SCML4: variants seen among roughly 807,000 people sequenced by gnomAD.
SCML4 encodes the protein Scm polycomb group protein like 4, also known as sex comb on midleg-like protein 4.
SCML4 carries 34 observed loss-of-function variants against 41.1 expected under a neutral mutation model. The observed-to-expected ratio is 0.83, with a 90% CI of 0.63 to 1.10. The LOEUF is 1.10. Among genes scored for constraint, SCML4 ranks in the 50% least tolerant of loss-of-function variants. SCML4 has a pLI of 0.00. For synonymous variants in SCML4, 214 were observed against 220.9 expected, an observed-to-expected ratio of 0.97 and a Z score of 0.28; for missense variants, 522 against 534.1, an observed-to-expected ratio of 0.98 and a Z score of 0.22.
rs1394929557 is a variant in SCML4 at position 107,705,447 on chromosome 6, T to A, written c.1120-122A>T. On this transcript the variant is annotated intron_variant, in intron 7 of 7. Transcript: ENST00000369020. ...GGCATATGGATTGATTTAGGCAGCA[T>A]ATTCTCTTGGTCCTGGGGCAAGGTC... is the stretch of plus-strand genomic sequence containing the variant. The A allele has an allele frequency of 1.3e-5, 11 of 848,834 alleles. No homozygotes were observed. The East Asian group carries it at 2.9e-4, about 23-fold the overall frequency. The allele number at this position is 848,834 out of a possible 1,614,324, so 52.6% of individuals were successfully genotyped here. A position where few individuals can be genotyped will look rare whatever the true frequency, so the allele number is the denominator to read the frequency against.
chr6:107,723,339 C>G (rs1272393951), intron 5 of SCML4, among the ~76,000 whole-genome samples: 1 of 152,154 alleles, frequency 6.6e-6, no homozygotes, highest in Non-Finnish European at 1.5e-5. Flanking sequence ...ACAAAATCAT[C>G]TAACACAAAG....
intron 5 of SCML4, among the ~76,000 whole-genome samples, chr6:107,725,982 C>A (rs780827275): frequency 1.0e-4 from 15 of 149,370 alleles, no homozygotes; most frequent in Non-Finnish European, 1.5e-5. Context: ...GAGGCTGAGG[C>A]ATGAGAATTG....
intron 1 of SCML4, among the ~76,000 whole-genome samples, chr6:107,800,909 G>T (rs6941259): frequency 6.6e-6 from 1 of 152,142 alleles, no homozygotes; most frequent in Admixed American, 6.5e-5. Flanking sequence ...TATTTGATTT[G>T]GGAGCAAGTG....
chr6:107,807,451 C>A (rs1783825343), intron 1 of SCML4, among the ~76,000 whole-genome samples: 1 of 152,180 alleles, frequency 6.6e-6, no homozygotes, highest in South Asian at 2.1e-4. Context: ...CTTTGAGGGG[C>A]CAGGTCTTAT....
intron 3 of SCML4, 126 bp from the exon 4 acceptor site, chr6:107,747,015 G>C (rs1778173818): frequency 2.8e-6 from 2 of 704,172 alleles, no homozygotes; most frequent in Non-Finnish European, 4.6e-6. Flanking sequence ...AGCTGGCAAG[G>C]GCAAAAGTGG....
chr6:107,821,022 A>G (rs1020525885), intron 1 of SCML4, among the ~76,000 whole-genome samples: 1 of 152,240 alleles, frequency 6.6e-6, no homozygotes, highest in Admixed American at 6.5e-5. Context: ...TAGGTTTGCC[A>G]AAAGACCAAT....
rs191603036 is a variant in SCML4, at chr6:107,728,439, G to A, written c.683-7446C>T. Among the ~76,000 whole-genome samples the A allele has an allele frequency of 2.9e-3, 436 of 152,184 alleles. 2 individuals are homozygous for A. The highest frequency in any genetic ancestry group is 9.7e-3 in the African/African-American group (401 of 41,520). ...CAGCCTGGCCAACATGGTGAAACCC[G>A]TCTCTACTAAAAATACAAAATTAGC... On this transcript the variant is annotated intron_variant, in intron 5 of 7. Coordinates refer to ENST00000369020, the MANE Select transcript of SCML4 (RefSeq NM_198081.5).
intron 6 of SCML4, among the ~76,000 whole-genome samples, chr6:107,716,195 T>A (rs1383407910): frequency 6.6e-6 from 1 of 152,188 alleles, no homozygotes; most frequent in African/African-American, 2.4e-5. Flanking sequence ...ACTCTGCAAA[T>A]GTGAAAAGGC....
At chr6:107,767,169 G>A (rs1055574768) in intron 2 of SCML4, among the ~76,000 whole-genome samples, 2 of 151,912 alleles carry the variant, frequency 1.3e-5, no homozygotes, top group African/African-American at 4.8e-5. Flanking sequence ...TGTTGTCCAG[G>A]GTGGTCTCGA....
intron 5 of SCML4, among the ~76,000 whole-genome samples, chr6:107,732,696 G>A (rs1039030928): frequency 6.6e-6 from 1 of 152,078 alleles, no homozygotes; most frequent in African/African-American, 2.4e-5. Flanking sequence ...CCCTCCATAT[G>A]ATCTCGCAGC....
intron 1 of SCML4, among the ~76,000 whole-genome samples, chr6:107,802,148 G>A (rs1783189211): frequency 1.3e-5 from 2 of 152,104 alleles, no homozygotes; most frequent in East Asian, 1.9e-4. Flanking sequence ...GATACAGTAC[G>A]AGCAACAACA....
chr6:107,781,715 C>G (rs932706791), intron 1 of SCML4, among the ~76,000 whole-genome samples: 6 of 151,422 alleles, frequency 4.0e-5, no homozygotes, highest in African/African-American at 1.5e-4. Flanking sequence ...TTCAACAGAA[C>G]GTTCAAGGGT....
chr6:107,740,191 C>G (rs1388142398), intron 5 of SCML4: 1 of 470,448 alleles, frequency 2.1e-6, no homozygotes, highest in South Asian at 1.5e-5. Flanking sequence ...CCATTTTAGG[C>G]TCAGTTTTAG....
At chr6:107,789,660 G>A (rs946598267) in intron 1 of SCML4, among the ~76,000 whole-genome samples, 10 of 152,126 alleles carry the variant, frequency 6.6e-5, no homozygotes, top group Non-Finnish European at 1.3e-4. Flanking sequence ...CAGGCCTGCC[G>A]GCCCACAGCA....
Position 107,755,624 on chromosome 6 carries a change from T to A in SCML4, c.157-5811A>T, listed in dbSNP as rs778761266. ...TGCCTGTCGCAACCTATCCAAGCTG[T>A]TCTCTGGCAGGGCATTTGTCTTTGT... On this transcript the variant is annotated intron_variant, in intron 2 of 7. Coordinates refer to ENST00000369020, the MANE Select transcript of SCML4 (RefSeq NM_198081.5). 4.5e-6 allele frequency: 6 copies of A among 1,345,026 alleles called. No individual in the cohort carries two copies. In the African/African-American group the frequency reaches 9.1e-5, roughly 20 times the overall value. The allele number at this position is 1,345,026 out of a possible 1,614,324, so 83.3% of individuals were successfully genotyped here.
chr6:107,720,645 C>T, intron 6 of SCML4, 58 bp downstream of exon 6: 1 of 1,462,368 alleles, frequency 6.8e-7, no homozygotes, highest in African/African-American at 1.4e-5. Context: ...TGCTGTGCTC[C>T]CCGCGCAAGG....
chr6:107,787,160 T>C (rs1781960000), intron 1 of SCML4, among the ~76,000 whole-genome samples: 1 of 152,220 alleles, frequency 6.6e-6, no homozygotes, highest in African/African-American at 2.4e-5. Flanking sequence ...TCCATGTCTC[T>C]ATAGGATATA....
chr6:107,723,813 G>A (rs1775675707), intron 5 of SCML4, among the ~76,000 whole-genome samples: 1 of 152,082 alleles, frequency 6.6e-6, no homozygotes. Flanking sequence ...ATACTTCTAC[G>A]AAGCCAGGAT....
chr6:107,821,607 G>C (rs1037543904), intron 1 of SCML4, among the ~76,000 whole-genome samples: 6 of 152,128 alleles, frequency 3.9e-5, no homozygotes, highest in African/African-American at 1.4e-4. Flanking sequence ...AAAATCTGAG[G>C]GCTCAGGGGA....
Sources: allele counts gnomAD v4.1 joint callset (sites outside exome capture counted in the v4.1 genomes callset), GRCh38; gene constraint gnomAD v4.1.1; transcripts MANE v1.5; gene names NCBI Gene and HGNC (gene_info 2026-07-23, HGNC 2026-07-21).